The following SDK1 variants were observed in gnomAD, a reference collection of about 807,000 sequenced individuals.
SDK1 encodes protein sidekick-1.
In SDK1, 157 loss-of-function variants were observed where a neutral mutation model predicts 245.5. The ratio of observed to expected loss-of-function variants is 0.64; its 90% CI spans 0.56 to 0.73. The LOEUF (loss-of-function observed/expected upper bound fraction) is 0.73, where lower values mean the gene tolerates loss of function less well. SDK1 is among the 30% of genes least tolerant of loss of function. The probability of loss-of-function intolerance (pLI) is 0.00; values close to 1 mark genes in which losing one functional copy is unlikely to be tolerated. For synonymous variants in SDK1, 1,647 were observed against 1,278.5 expected (o/e 1.29, Z -6.15); for missense variants, 3,583 against 3,002.3 (o/e 1.19, Z -4.52).
At chr7:4,205,455 A>G (rs545968421) in intron 35 of SDK1, among the ~76,000 whole-genome samples, 3 of 152,166 alleles carry the variant, frequency 2.0e-5, no homozygotes, top group Admixed American at 6.5e-5. Flanking sequence ...TCACCCACCA[A>G]TGCTTTGATC....
chr7:4,162,471 C>T (rs1781213515), intron 32 of SDK1, among the ~76,000 whole-genome samples: 1 of 151,508 alleles, frequency 6.6e-6, no homozygotes, highest in African/African-American at 2.4e-5. Flanking sequence ...ACAATCTAGG[C>T]TCCCTGCAAC....
At chr7:4,225,255 C>T (rs1030584458) in intron 40 of SDK1, among the ~76,000 whole-genome samples, 1 of 152,178 alleles carries the variant, frequency 6.6e-6, no homozygotes, top group Non-Finnish European at 1.5e-5. Flanking sequence ...CACAGACTTG[C>T]TCTCCGTTGT....
chr7:3,622,222 A>G (rs1326441585), intron 2 of SDK1, among the ~76,000 whole-genome samples: 1 of 152,246 alleles, frequency 6.6e-6, no homozygotes, highest in African/African-American at 2.4e-5. Context: ...TCACACCTGT[A>G]ATCTCAGCAC....
intron 6 of SDK1, among the ~76,000 whole-genome samples, 170 bp downstream of exon 6, chr7:3,951,204 C>T (rs979458456): frequency 6.6e-6 from 1 of 152,132 alleles, no homozygotes; most frequent in Non-Finnish European, 1.5e-5. Context: ...AATGGACACA[C>T]TGATGTCTTC....
At chr7:4,226,712 A>G (rs1452799500) in intron 40 of SDK1, among the ~76,000 whole-genome samples, 1 of 152,212 alleles carries the variant, frequency 6.6e-6, no homozygotes, top group East Asian at 1.9e-4. Flanking sequence ...TGGTGTTGCA[A>G]AACTCCCTGG....
At chr7:3,913,052 G>A (rs949876116) in intron 5 of SDK1, among the ~76,000 whole-genome samples, 23 of 152,298 alleles carry the variant, frequency 1.5e-4, no homozygotes, top group African/African-American at 5.3e-4. Context: ...TGTGATTAAG[G>A]AGGGTTTAAT....
intron 19 of SDK1, among the ~76,000 whole-genome samples, chr7:4,054,272 C>T (rs561509302): frequency 6.6e-6 from 1 of 152,246 alleles, no homozygotes; most frequent in South Asian, 2.1e-4. Context: ...GAGAGCATTA[C>T]AGATTCATAT....
intron 5 of SDK1, among the ~76,000 whole-genome samples, chr7:3,854,742 A>G (rs1780499251): frequency 6.6e-6 from 1 of 152,220 alleles, no homozygotes; most frequent in African/African-American, 2.4e-5. Context: ...TGTCAGACTG[A>G]AGTACCTTCT....
At chr7:3,854,383 A>G (rs7807003) in intron 5 of SDK1, among the ~76,000 whole-genome samples, 35,266 of 152,074 alleles carry the variant, frequency 0.23, 4,455 homozygotes, top group Middle Eastern at 0.36. Flanking sequence ...ATTAAATCAG[A>G]TAATGTAACT....
At chr7:3,757,069 C>G (rs534211274) in intron 4 of SDK1, among the ~76,000 whole-genome samples, 104 of 152,248 alleles carry the variant, frequency 6.8e-4, no homozygotes, top group African/African-American at 2.4e-3. Flanking sequence ...CTGACACCAA[C>G]TGGGTGTCCT....
chr7:3,907,160 T>G (rs1778980507), intron 5 of SDK1, among the ~76,000 whole-genome samples: 1 of 152,208 alleles, frequency 6.6e-6, no homozygotes, highest in Non-Finnish European at 1.5e-5. Context: ...AACTTAAAAC[T>G]TGCCATTTTA....
rs1435799842 is a variant in SDK1, at chr7:3,875,164, C to T, written c.847+53581C>T. Among the ~76,000 whole-genome samples the T allele has an allele frequency of 2.0e-5, 3 of 152,124 alleles. No individual in the cohort carries two copies. In the East Asian group the frequency reaches 5.8e-4, roughly 29 times the overall value. ...AAGCAAATGGTTGGGTCTGTTTCTC[C>T]CTGGAAATGTCTATCTCTTTCTGGA... is the stretch of plus-strand genomic sequence containing the variant. On this transcript the variant is annotated intron_variant, in intron 5 of 44. Transcript: ENST00000404826.
At chr7:3,432,520 A>G (rs1779884248) in intron 1 of SDK1, among the ~76,000 whole-genome samples, 1 of 152,214 alleles carries the variant, frequency 6.6e-6, no homozygotes, top group Non-Finnish European at 1.5e-5. Context: ...GTAGTTTGTT[A>G]TATATTCATG....
chr7:3,526,724 GTTCTGTTTCTTT>G (rs1783147190), intron 1 of SDK1, among the ~76,000 whole-genome samples: 1 of 152,074 alleles, frequency 6.6e-6, no homozygotes, highest in Admixed American at 6.6e-5. Context: ...TTGTGTATCT[GTTCTGTTTCTTT>G]TTCTTTTTTC....
rs1159089743 is a variant in SDK1, at chr7:3,843,725, C to T, written c.847+22142C>T. The stretch of plus-strand genomic sequence containing the variant: ...ATAGGAAACTCGCCTGACGATGAAG[C>T]CATCGGGACGCTGAGGCTTTTTGGC... On this transcript the variant is annotated intron_variant, in intron 5 of 44. Transcript: ENST00000404826. Among the ~76,000 whole-genome samples, 5 of 152,160 alleles carry T rather than the reference C, an allele frequency of 3.3e-5. 1 individual carries two copies. In the South Asian group the frequency reaches 1.0e-3, roughly 32 times the overall value.
chr7:4,169,824 G>A (rs1042330778), intron 32 of SDK1, among the ~76,000 whole-genome samples: 1 of 152,148 alleles, frequency 6.6e-6, no homozygotes, highest in African/African-American at 2.4e-5. Flanking sequence ...AGGGCCCCTG[G>A]GCACAGAGCT....
intron 4 of SDK1, among the ~76,000 whole-genome samples, chr7:3,647,528 A>G (rs1782887856): frequency 6.6e-6 from 1 of 152,138 alleles, no homozygotes; most frequent in African/African-American, 2.4e-5. Flanking sequence ...CAGGGCTCAA[A>G]TGATTTTCGT....
Position 3,759,523 on chromosome 7 carries a change from C to G in SDK1, c.714-61927C>G, listed in dbSNP as rs113043191. ...ACCCATAATCTGTCCTTGAAATACG[C>G]TTTTATCATATGTTGAATTTTCTTT... On this transcript the variant is annotated intron_variant, in intron 4 of 44. Coordinates refer to ENST00000404826, the MANE Select transcript of SDK1 (RefSeq NM_152744.4). Among the ~76,000 whole-genome samples the G allele has an allele frequency of 6.7e-3, 1,024 of 151,928 alleles. 16 individuals carry two copies. Among genetic ancestry groups the G allele is most frequent in the African/African-American group, 0.023 (948 of 41,478 alleles).
intron 4 of SDK1, among the ~76,000 whole-genome samples, chr7:3,676,464 T>A (rs935196311): frequency 2.6e-5 from 4 of 151,974 alleles, no homozygotes; most frequent in African/African-American, 9.7e-5. Context: ...TAGCTGGGAC[T>A]ACAGGCGCCT....
Sources: gnomAD v4.1 joint callset for allele counts (sites outside exome capture counted in the v4.1 genomes callset) on GRCh38, gnomAD v4.1.1 for gene constraint, MANE v1.5 for transcripts, NCBI Gene and HGNC (gene_info 2026-07-23, HGNC 2026-07-21) for gene names.